Variants in ASIC2 observed in about 807,000 individuals in gnomAD.
ASIC2 encodes acid-sensing ion channel 2.
A neutral mutation model predicts 57.3 loss-of-function variants in ASIC2; 25 were observed. The ratio of observed to expected loss-of-function variants is 0.44; its 90% CI spans 0.32 to 0.61. The LOEUF is 0.61. Ranked by LOEUF, ASIC2 falls within the 20% of genes least tolerant of loss-of-function variation. ASIC2 has a pLI of 0.06. For missense variants in ASIC2, 641 were observed against 738.1 expected (o/e 0.87, Z 1.52); for synonymous variants, 319 against 307.5 (o/e 1.04, Z -0.39).
intron 1 of ASIC2, among the ~76,000 whole-genome samples, chr17:33,970,077 A>G (rs77243199): frequency 0.025 from 3,794 of 152,132 alleles, 127 homozygotes; most frequent in African/African-American, 0.071. Context: ...AGTGTTTCTC[A>G]GTCTCTGAAC....
chr17:33,221,712 T>C (rs1328964932), intron 1 of ASIC2, among the ~76,000 whole-genome samples: 2 of 152,244 alleles, frequency 1.3e-5, no homozygotes, highest in Non-Finnish European at 2.9e-5. Flanking sequence ...AATTTTTGTT[T>C]GAGCTTTAAA....
intron 1 of ASIC2, chr17:34,069,346 TTTTC>T (rs1470080130): frequency 2.4e-3 from 83 of 34,708 alleles, no homozygotes; most frequent in African/African-American, 8.6e-3. Flanking sequence ...TCTTTCATTT[TTTTC>T]TTTCTTTTTC....
intron 1 of ASIC2, among the ~76,000 whole-genome samples, chr17:33,962,784 T>A (rs1904965235): frequency 6.6e-6 from 1 of 152,148 alleles, no homozygotes; most frequent in Non-Finnish European, 1.5e-5. Flanking sequence ...GAGGCACAGA[T>A]GGGGGCCAAA....
At chr17:33,915,036 C>T (rs974564459) in intron 1 of ASIC2, among the ~76,000 whole-genome samples, 1 of 152,188 alleles carries the variant, frequency 6.6e-6, no homozygotes, top group African/African-American at 2.4e-5. Context: ...AGCTGGCGTA[C>T]GCAGGCAACA....
At chr17:33,236,589 C>T (rs1024328675) in intron 1 of ASIC2, among the ~76,000 whole-genome samples, 8 of 152,154 alleles carry the variant, frequency 5.3e-5, no homozygotes, top group Admixed American at 3.9e-4. Context: ...GATCCGCCTG[C>T]CTCAGCCTCC....
chr17:33,765,473 C>A (rs1357806530), intron 1 of ASIC2, among the ~76,000 whole-genome samples: 2 of 152,174 alleles, frequency 1.3e-5, no homozygotes, highest in African/African-American at 4.8e-5. Flanking sequence ...CCAACCTTAT[C>A]AACCCTTCCT....
At chr17:33,894,312 A>C (rs1162257963) in intron 1 of ASIC2, among the ~76,000 whole-genome samples, 1 of 151,550 alleles carries the variant, frequency 6.6e-6, no homozygotes, top group Non-Finnish European at 1.5e-5. Context: ...GGGGAAGGAC[A>C]GAATGAGAGA....
At chr17:33,530,905 G>T (rs1176858923) in intron 1 of ASIC2, among the ~76,000 whole-genome samples, 1 of 152,194 alleles carries the variant, frequency 6.6e-6, no homozygotes, top group East Asian at 1.9e-4. Context: ...TCTGTACATT[G>T]TTCCATTTGA....
At chr17:33,276,463 A>G (rs1333712950) in intron 1 of ASIC2, among the ~76,000 whole-genome samples, 2 of 152,200 alleles carry the variant, frequency 1.3e-5, no homozygotes, top group South Asian at 4.1e-4. Flanking sequence ...TCTCGCTCCT[A>G]AGTAGCAATA....
intron 1 of ASIC2, among the ~76,000 whole-genome samples, chr17:33,451,784 G>A (rs531431079): frequency 3.9e-5 from 6 of 152,160 alleles, no homozygotes; most frequent in Admixed American, 6.5e-5. Flanking sequence ...TCTTTCATCA[G>A]GACCTGACCT....
chr17:33,637,906 C>T (rs8081280), intron 1 of ASIC2, among the ~76,000 whole-genome samples: 59,155 of 151,816 alleles, frequency 0.39, 12,526 homozygotes, highest in African/African-American at 0.56. Context: ...GATAGTTTGG[C>T]GGATGAGGGG....
chr17:34,085,500 T>A (rs1464782376), intron 1 of ASIC2, among the ~76,000 whole-genome samples: 1 of 152,226 alleles, frequency 6.6e-6, no homozygotes, highest in African/African-American at 2.4e-5. Context: ...TAAAATTCTC[T>A]TTTTTGGTTG....
At chr17:34,021,787 G>A (rs531009394) in intron 1 of ASIC2, among the ~76,000 whole-genome samples, 1 of 152,004 alleles carries the variant, frequency 6.6e-6, no homozygotes, top group African/African-American at 2.4e-5. Context: ...TCAACTGACC[G>A]GGGATGGAGC....
At chr17:33,913,498 C>G (rs1449059684) in intron 1 of ASIC2, among the ~76,000 whole-genome samples, 1 of 152,138 alleles carries the variant, frequency 6.6e-6, no homozygotes, top group Non-Finnish European at 1.5e-5. Flanking sequence ...AAAGACCTCC[C>G]CTTTAGCCCA....
At chr17:34,152,011 TATA>T (rs984485238) in intron 1 of ASIC2, among the ~76,000 whole-genome samples, 4 of 152,076 alleles carry the variant, frequency 2.6e-5, no homozygotes, top group Non-Finnish European at 5.9e-5. Context: ...ATGTTCCTAG[TATA>T]ATAATAATAA....
rs576908453 is a variant in ASIC2, at chr17:33,833,278, T to C, written c.555+322700A>G. Reference sequence around the variant, plus strand: ...TGTCTGTTTCGTTTACCATTGTATCTCTAGCATCAAGTGCAGTATTGGTTT... The same window carrying C: ...TGTCTGTTTCGTTTACCATTGTATCCCTAGCATCAAGTGCAGTATTGGTTT... On this transcript the variant is annotated intron_variant, in intron 1 of 9. Coordinates refer to the ASIC2 transcript ENST00000359872. Among the ~76,000 whole-genome samples, 243 of 152,300 alleles carry C rather than the reference T, an allele frequency of 1.6e-3. 1 individual carries two copies. The highest frequency in any genetic ancestry group is 5.5e-3 in the African/African-American group (227 of 41,564).
intron 1 of ASIC2, among the ~76,000 whole-genome samples, chr17:33,654,167 C>T (rs1406069349): frequency 1.3e-5 from 2 of 152,176 alleles, no homozygotes; most frequent in East Asian, 3.8e-4. Context: ...GAACAAGGTA[C>T]TTAGTAGGAG....
intron 1 of ASIC2, among the ~76,000 whole-genome samples, chr17:33,992,745 T>C (rs1906039896): frequency 6.6e-6 from 1 of 152,128 alleles, no homozygotes; most frequent in Admixed American, 6.5e-5. Context: ...ACAGCGCTGG[T>C]TGTTAAATAT....
chr17:33,291,328 C>G (rs1905429183), intron 1 of ASIC2, 80 bp downstream of exon 1: 1 of 1,496,420 alleles, frequency 6.7e-7, no homozygotes, highest in Non-Finnish European at 8.9e-7. Flanking sequence ...GGGACAGCCC[C>G]GAGGGGGCGG....
Sources: allele counts gnomAD v4.1 joint callset (sites outside exome capture counted in the v4.1 genomes callset), GRCh38; gene constraint gnomAD v4.1.1; transcripts MANE v1.5; gene names NCBI Gene and HGNC (gene_info 2026-07-23, HGNC 2026-07-21).